The following SORT1 variants were observed in gnomAD, a reference collection of about 807,000 sequenced individuals.
SORT1 encodes sortilin.
In SORT1, 39 loss-of-function variants were observed where a neutral mutation model predicts 101.7. The observed-to-expected ratio is 0.38, with a 90% CI of 0.30 to 0.50. The LOEUF is 0.50. Ranked by LOEUF, SORT1 falls within the 20% of genes least tolerant of loss-of-function variation. SORT1 has a pLI of 0.90. For missense variants in SORT1, 878 were observed against 1,040.4 expected (o/e 0.84, Z 2.15); for synonymous variants, 396 against 393.7 (o/e 1.01, Z -0.07).
intron 3 of SORT1, among the ~76,000 whole-genome samples, chr1:109,363,248 A>G (rs1650851516): frequency 6.6e-6 from 1 of 152,238 alleles, no homozygotes; most frequent in Non-Finnish European, 1.5e-5. Context: ...TAAAACAAAA[A>G]GATGGAAAAT....
intron 3 of SORT1, among the ~76,000 whole-genome samples, chr1:109,358,977 CAT>C (rs534596369): frequency 1.6e-3 from 251 of 152,146 alleles, no homozygotes; most frequent in Non-Finnish European, 2.4e-3. Flanking sequence ...TAAACATGCA[CAT>C]GTTTATAACT....
chr1:109,364,005 G>A (rs1234632423), intron 3 of SORT1, among the ~76,000 whole-genome samples: 1 of 152,192 alleles, frequency 6.6e-6, no homozygotes, highest in Non-Finnish European at 1.5e-5. Context: ...AACTCTGGAA[G>A]TGGGTACAGA....
At chr1:109,353,183 C>G (rs940159734) in intron 5 of SORT1, among the ~76,000 whole-genome samples, 6 of 152,102 alleles carry the variant, frequency 3.9e-5, no homozygotes, top group African/African-American at 1.4e-4. Flanking sequence ...AAAAAATTAG[C>G]TGGGCCTGGG....
At chr1:109,378,945 C>A (rs1472746737) in intron 1 of SORT1, among the ~76,000 whole-genome samples, 1 of 150,596 alleles carries the variant, frequency 6.6e-6, no homozygotes, top group Non-Finnish European at 1.5e-5. Flanking sequence ...GAGTTCAAGA[C>A]CCGCCTGACC....
At chr1:109,385,215 C>G (rs543861437) in intron 1 of SORT1, among the ~76,000 whole-genome samples, 1 of 152,302 alleles carries the variant, frequency 6.6e-6, no homozygotes, top group Admixed American at 6.5e-5. Flanking sequence ...TAAAGACCCA[C>G]CACTTAATAC....
In SORT1 at chr1:109,389,244, T is replaced by A. The variant is rs561586016; in HGVS notation, c.306+8343A>T. ...AGGTTTCAAAATATTTTCACATATATCTTCCCTTCAAAACTTCATGATAAT... is the reference window on the plus strand; with the variant it reads ...AGGTTTCAAAATATTTTCACATATAACTTCCCTTCAAAACTTCATGATAAT... On this transcript the variant is annotated intron_variant, in intron 1 of 19. Coordinates refer to ENST00000256637, the MANE Select transcript of SORT1 (RefSeq NM_002959.7). Among the ~76,000 whole-genome samples the A allele has an allele frequency of 7.2e-5, 11 of 152,354 alleles. No homozygotes were observed. The East Asian group carries it at 1.3e-3, about 19-fold the overall frequency.
At chr1:109,353,188 C>G (rs982304222) in intron 5 of SORT1, among the ~76,000 whole-genome samples, 3 of 151,866 alleles carry the variant, frequency 2.0e-5, no homozygotes, top group Admixed American at 6.6e-5. Flanking sequence ...ATTAGCTGGG[C>G]CTGGGTGCAC....
intron 8 of SORT1, among the ~76,000 whole-genome samples, chr1:109,342,624 A>G (rs1441534616): frequency 1.3e-5 from 2 of 152,222 alleles, no homozygotes; most frequent in East Asian, 3.8e-4. Context: ...AATAGAGATG[A>G]AACCCATGTT....
Position 109,375,541 on chromosome 1 carries a change from C to CAAAAAAAA in SORT1, c.307-5960_307-5953dup, listed in dbSNP as rs57014091. 7.8e-3 allele frequency among the ~76,000 whole-genome samples: 552 copies of CAAAAAAAA among 70,458 alleles called. 24 individuals are homozygous for CAAAAAAAA. Among genetic ancestry groups the CAAAAAAAA allele is most frequent in the East Asian group, 0.018 (45 of 2,526 alleles). 46.2% of individuals were successfully genotyped at this position (70,458 alleles called of 152,430 possible). On this transcript the variant is annotated intron_variant, in intron 1 of 19. Coordinates refer to ENST00000256637, the MANE Select transcript of SORT1 (RefSeq NM_002959.7). The stretch of plus-strand genomic sequence containing the variant: ...CCTGGGCGACAGTGAGACTCCGTTT[C>CAAAAAAAA]AAAAAAAAAAAAAAAAGATATAATA...
chr1:109,361,123 TCTTG>T (rs1650697580), intron 3 of SORT1, among the ~76,000 whole-genome samples: 1 of 152,230 alleles, frequency 6.6e-6, no homozygotes, highest in South Asian at 2.1e-4. Flanking sequence ...ACTGCTTTCT[TCTTG>T]CTTAATAATT....
chr1:109,389,790 C>G (rs1652792603), intron 1 of SORT1: 1 of 152,198 alleles, frequency 6.6e-6, no homozygotes, highest in Non-Finnish European at 1.5e-5. Flanking sequence ...GTTCTGCTTT[C>G]CTCTGGGACC....
At chr1:109,355,538 C>T (rs1650249075) in intron 3 of SORT1, 69 bp from the exon 4 acceptor site, 3 of 741,684 alleles carry the variant, frequency 4.0e-6, no homozygotes, top group Non-Finnish European at 4.9e-6. Context: ...TCCTACTCAG[C>T]TTTCATTCTC....
At chr1:109,365,105 A>G (rs1264950124) in intron 3 of SORT1, among the ~76,000 whole-genome samples, 1 of 152,254 alleles carries the variant, frequency 6.6e-6, no homozygotes, top group Non-Finnish European at 1.5e-5. Flanking sequence ...AAACAAATTA[A>G]GATTACACGT....
intron 8 of SORT1, 85 bp downstream of exon 8, chr1:109,345,666 C>G (rs1649532481): frequency 1.5e-6 from 2 of 1,302,132 alleles, no homozygotes; most frequent in Admixed American, 2.3e-5. Flanking sequence ...ACAAGAAACT[C>G]TGTCAATGCC....
chr1:109,316,320 T>A (rs1238925713), intron 17 of SORT1, among the ~76,000 whole-genome samples: 2 of 151,878 alleles, frequency 1.3e-5, no homozygotes, highest in Non-Finnish European at 2.9e-5. Context: ...CAGGTTCACA[T>A]GATTCTCCTA....
At chr1:109,385,010 G>A (rs774249490) in intron 1 of SORT1, among the ~76,000 whole-genome samples, 11 of 152,154 alleles carry the variant, frequency 7.2e-5, no homozygotes, top group African/African-American at 1.2e-4. Context: ...CCTGGGAGGC[G>A]GAGGTTGCAG....
At chr1:109,388,358 A>AC (rs1342684051) in intron 1 of SORT1, among the ~76,000 whole-genome samples, 1 of 151,158 alleles carries the variant, frequency 6.6e-6, no homozygotes, top group East Asian at 2.0e-4. Context: ...CTCACCTCAG[A>AC]CTCTTGTGTG....
intron 1 of SORT1, among the ~76,000 whole-genome samples, chr1:109,383,993 T>C (rs1021980212): frequency 1.3e-5 from 2 of 152,320 alleles, no homozygotes; most frequent in South Asian, 4.1e-4. Flanking sequence ...ATTACCGAAG[T>C]GCGGGGGCTA....
intron 1 of SORT1, among the ~76,000 whole-genome samples, chr1:109,396,622 G>A (rs1306300361): frequency 1.3e-5 from 2 of 152,204 alleles, no homozygotes; most frequent in East Asian, 1.9e-4. Context: ...CTTGGCTGAC[G>A]CTGAAAAACG....
Sources: gnomAD v4.1 joint callset for allele counts (sites outside exome capture counted in the v4.1 genomes callset) on GRCh38, gnomAD v4.1.1 for gene constraint, MANE v1.5 for transcripts, NCBI Gene and HGNC (gene_info 2026-07-23, HGNC 2026-07-21) for gene names.